PALM: variants seen among roughly 807,000 people sequenced by gnomAD.
PALM encodes paralemmin.
Under a neutral mutation model 30.7 loss-of-function variants are expected in PALM, and 18 were observed. That is an observed-to-expected ratio of 0.59 (90% confidence interval 0.41 to 0.87). The LOEUF (loss-of-function observed/expected upper bound fraction) is 0.87. Ranked by LOEUF, PALM falls within the 40% of genes least tolerant of loss-of-function variation. The pLI is 0.00. For synonymous variants in PALM, 286 were observed against 242.8 expected, an observed-to-expected ratio of 1.18 and a Z score of -1.66; for missense variants, 529 against 555.4, an observed-to-expected ratio of 0.95 and a Z score of 0.48.
At chr19:736,158 C>CGGGGGGGGGGGGGGGGGG in intron 7 of PALM, 80 bp downstream of exon 7, 4 of 500,690 alleles carry the variant, frequency 8.0e-6, no homozygotes, top group Non-Finnish European at 1.5e-5. Flanking sequence ...CCGGGTGGGG[C>CGGGGGGGGGGGGGGGGGG]GGGGGCGACA....
At chr19:726,965 G>GGACGCGGGC in intron 2 of PALM, 43 bp from the exon 3 acceptor site, 2 of 1,037,618 alleles carry the variant, frequency 1.9e-6, no homozygotes, top group Non-Finnish European at 1.4e-6. Context: ...GGGTCTCCGG[G>GGACGCGGGC]ACCCCCACGC....
chr19:736,158 C>CGGGGGGGGCGGGGGGGGGG, intron 7 of PALM, 80 bp downstream of exon 7: 1 of 500,698 alleles, frequency 2.0e-6, no homozygotes, highest in Non-Finnish European at 3.8e-6. Context: ...CCGGGTGGGG[C>CGGGGGGGGCGGGGGGGGGG]GGGGGCGACA....
intron 2 of PALM, 26 bp downstream of exon 2, chr19:726,215 G>C (rs1406643022): frequency 1.2e-6 from 2 of 1,609,362 alleles, no homozygotes; most frequent in Non-Finnish European, 1.7e-6. Context: ...CCCGCAGACG[G>C]TGTGGTCAGG....
chr19:721,174 G>A (rs2032465706), intron 1 of PALM, among the ~76,000 whole-genome samples: 1 of 152,214 alleles, frequency 6.6e-6, no homozygotes, highest in Non-Finnish European at 1.5e-5. Flanking sequence ...AACGGGGGAA[G>A]TGAAGGGGCC....
intron 1 of PALM, among the ~76,000 whole-genome samples, chr19:720,153 C>A (rs764576168): frequency 5.3e-4 from 81 of 151,848 alleles, no homozygotes; most frequent in Non-Finnish European, 6.9e-4. Context: ...AAGCCTCGGC[C>A]CCCCCCAATC....
intron 7 of PALM, among the ~76,000 whole-genome samples, chr19:739,035 T>C (rs765803159): frequency 6.6e-6 from 1 of 152,076 alleles, no homozygotes; most frequent in Admixed American, 6.5e-5. Context: ...TGCCTGGTGA[T>C]CCCCAGTGCT....
Position 717,920 on chromosome 19 carries a change from G to A in PALM, c.6-8218G>A, listed in dbSNP as rs976166431. Among the ~76,000 whole-genome samples, 141 of 152,260 alleles carry A rather than the reference G, an allele frequency of 9.3e-4. 3 individuals carry two copies. Among genetic ancestry groups the A allele is most frequent in the Non-Finnish European group, 4.1e-4 (28 of 68,010 alleles). On this transcript the variant is annotated intron_variant, in intron 1 of 8. Coordinates refer to ENST00000338448, the MANE Select transcript of PALM (RefSeq NM_002579.3). ...TGTCCTAGTGGGAAGACAAGATCACGCCTGTAATCCCAGCACTTTGGGAGG... is the reference window on the plus strand; with the variant it reads ...TGTCCTAGTGGGAAGACAAGATCACACCTGTAATCCCAGCACTTTGGGAGG...
chr19:711,184 G>A (rs958166286), intron 1 of PALM: 20 of 984,350 alleles, frequency 2.0e-5, no homozygotes, highest in Non-Finnish European at 2.2e-5. Context: ...TAACCACAGG[G>A]CCGATGCTGC....
At position 708,954 on chromosome 19, in the gene PALM, C is replaced by G. The variant is rs906716059; in HGVS notation, c.-193C>G. Reference sequence around the variant, plus strand: ...CCCCCCGCGCCCGCCGCCGCCCGGACAATAAACAGCAGCTTTGCGCGGGGC... The same window carrying G: ...CCCCCCGCGCCCGCCGCCGCCCGGAGAATAAACAGCAGCTTTGCGCGGGGC... On this transcript the variant is annotated 5_prime_UTR_variant, in exon 1 of 9. Transcript: ENST00000338448. 4 of 147,394 alleles carry G rather than the reference C, an allele frequency of 2.7e-5. No homozygotes were observed. The highest frequency in any genetic ancestry group is 9.9e-5 in the African/African-American group (4 of 40,608). The allele number at this position is 147,394 out of a possible 1,614,324, so 9.1% of individuals were successfully genotyped here.
intron 1 of PALM, among the ~76,000 whole-genome samples, chr19:720,399 C>T (rs534829052): frequency 3.2e-4 from 40 of 126,492 alleles, no homozygotes; most frequent in African/African-American, 1.2e-3. Flanking sequence ...AGGGGGGCGC[C>T]GGGTCTGGGG....
Position 744,999 on chromosome 19 carries a change from G to A in PALM, c.635-1286G>A, listed in dbSNP as rs151309417. ...GTTCAAGACCAGACTGGCCAACGTG[G>A]TGAAACCCCATCTCTACTAAACGTA... On this transcript the variant is annotated intron_variant, in intron 8 of 8. Transcript: ENST00000338448. 0.03 allele frequency among the ~76,000 whole-genome samples: 4,518 copies of A among 151,670 alleles called. 364 individuals carry two copies. The East Asian group carries it at 0.34, about 11-fold the overall frequency.
chr19:738,043 C>T (rs193026767), intron 7 of PALM, among the ~76,000 whole-genome samples: 12 of 152,140 alleles, frequency 7.9e-5, no homozygotes, highest in Middle Eastern at 3.4e-3. Flanking sequence ...GAGCAGTGGG[C>T]GGTTCCTTAT....
intron 7 of PALM, among the ~76,000 whole-genome samples, chr19:737,426 C>T (rs1378093716): frequency 6.6e-6 from 1 of 152,220 alleles, no homozygotes; most frequent in African/African-American, 2.4e-5. Context: ...CCCAGAATGC[C>T]TTTCAAGCGC....
intron 7 of PALM, among the ~76,000 whole-genome samples, chr19:736,708 C>T (rs899236199): frequency 6.6e-5 from 10 of 152,170 alleles, no homozygotes; most frequent in African/African-American, 2.2e-4. Context: ...GAGAAATCGT[C>T]GCAGTGGGCA....
chr19:719,438 C>T, intron 1 of PALM: 1 of 985,402 alleles, frequency 1.0e-6, no homozygotes, highest in Non-Finnish European at 1.2e-6. Context: ...TAAAAAGCAT[C>T]GCGGGGACGG....
Position 731,254 on chromosome 19 carries a change from G to A in PALM, c.420+9G>A, listed in dbSNP as rs1308029354. 6.3e-7 allele frequency: 1 copy of A among 1,599,582 alleles called. No homozygotes were observed. Among genetic ancestry groups the A allele is most frequent in the South Asian group, 1.1e-5 (1 of 89,176 alleles). ...TGATGAATTCACAGCAGGTAAGGGG[G>A]TGACTGGGGGGAGCGGATCCCCAGG... is the stretch of plus-strand genomic sequence containing the variant. On this transcript the variant is annotated intron_variant, in intron 5 of 8. Coordinates refer to ENST00000338448, the MANE Select transcript of PALM (RefSeq NM_002579.3).
rs144122984 is a variant in PALM, at chr19:736,476, G to A, written c.502+398G>A. On this transcript the variant is annotated intron_variant, in intron 7 of 8. Transcript: ENST00000338448. ...CTCGGGCAGTAGGACTGGCTGCCCC[G>A]GGAGAAAGTGGGTGCCCCGTCCCTG... Among the ~76,000 whole-genome samples, 488 of 152,328 alleles carry A rather than the reference G, an allele frequency of 3.2e-3. 6 individuals carry two copies. The highest frequency in any genetic ancestry group is 0.013 in the Admixed American group (195 of 15,302).
intron 1 of PALM, among the ~76,000 whole-genome samples, chr19:711,809 T>C (rs974208054): frequency 6.6e-6 from 1 of 152,068 alleles, no homozygotes. Flanking sequence ...GGTGGTTTCT[T>C]TCTTTTTTCC....
At chr19:731,452 T>A (rs1568228133) in intron 5 of PALM, among the ~76,000 whole-genome samples, 1 of 152,000 alleles carries the variant, frequency 6.6e-6, no homozygotes, top group East Asian at 1.9e-4. Context: ...TTTCCCCATC[T>A]GTAAGATGGG....
Sources: allele counts gnomAD v4.1 joint callset (sites outside exome capture counted in the v4.1 genomes callset), GRCh38; gene constraint gnomAD v4.1.1; transcripts MANE v1.5; gene names NCBI Gene and HGNC (gene_info 2026-07-23, HGNC 2026-07-21).